Variants in PARD3 observed in about 807,000 individuals in gnomAD.
The protein encoded by PARD3 is par-3 family cell polarity regulator.
A neutral mutation model predicts 155.4 loss-of-function variants in PARD3; 75 were observed. The ratio of observed to expected loss-of-function variants is 0.48; its 90% CI spans 0.40 to 0.58. PARD3 has a LOEUF of 0.58. Among genes scored for constraint, PARD3 ranks in the 20% least tolerant of loss-of-function variants. The pLI is 0.00. For missense variants in PARD3, 1,642 were observed against 1,721.7 expected (o/e 0.95, Z 0.82); for synonymous variants, 576 against 610.5 (o/e 0.94, Z 0.83).
intron 20 of PARD3, among the ~76,000 whole-genome samples, chr10:34,311,542 A>G (rs2134089039): frequency 6.6e-6 from 1 of 152,348 alleles, no homozygotes; most frequent in Non-Finnish European, 1.5e-5. Context: ...ATCCACCTGC[A>G]CTAGCATTGG....
intron 5 of PARD3, among the ~76,000 whole-genome samples, chr10:34,441,202 C>T (rs536964984): frequency 1.3e-5 from 2 of 152,040 alleles, no homozygotes; most frequent in African/African-American, 2.4e-5. Flanking sequence ...TTTAAGAAAA[C>T]GAGATACCCA....
At chr10:34,400,266 T>C (rs1315170961) in intron 6 of PARD3, among the ~76,000 whole-genome samples, 1 of 152,194 alleles carries the variant, frequency 6.6e-6, no homozygotes, top group East Asian at 1.9e-4. Context: ...TATGAAGCTA[T>C]TTATATTATA....
intron 3 of PARD3, among the ~76,000 whole-genome samples, chr10:34,501,379 A>G (rs2133429073): frequency 6.6e-6 from 1 of 152,014 alleles, no homozygotes; most frequent in East Asian, 1.9e-4. Context: ...TTCAACTTTC[A>G]CCATGATTAT....
At chr10:34,282,626 T>C (rs1956211350) in intron 21 of PARD3, among the ~76,000 whole-genome samples, 1 of 152,142 alleles carries the variant, frequency 6.6e-6, no homozygotes, top group Non-Finnish European at 1.5e-5. Flanking sequence ...CTATCCCCTG[T>C]GGCAGGTATC....
intron 5 of PARD3, among the ~76,000 whole-genome samples, chr10:34,412,231 AG>A (rs781655333): frequency 1.3e-5 from 2 of 152,084 alleles, no homozygotes; most frequent in Non-Finnish European, 2.9e-5. Flanking sequence ...TCAAAGTGCT[AG>A]GAATACAGGC....
chr10:34,581,882 C>A (rs2087526725), intron 2 of PARD3, among the ~76,000 whole-genome samples: 1 of 152,220 alleles, frequency 6.6e-6, no homozygotes, highest in African/African-American at 2.4e-5. Context: ...CTAAAAACTA[C>A]TATTTAACAT....
intron 1 of PARD3, among the ~76,000 whole-genome samples, chr10:34,741,954 G>T (rs1338906134): frequency 2.0e-5 from 3 of 152,098 alleles, no homozygotes; most frequent in African/African-American, 7.2e-5. Context: ...ATAACAATAA[G>T]GTAAATTCAT....
chr10:34,352,318 C>A (rs931774737), intron 14 of PARD3, among the ~76,000 whole-genome samples: 1 of 152,174 alleles, frequency 6.6e-6, no homozygotes, highest in Non-Finnish European at 1.5e-5. Flanking sequence ...GCTTTCTCCA[C>A]TGTAAAGTTA....
intron 2 of PARD3, among the ~76,000 whole-genome samples, chr10:34,695,903 G>A (rs2094162230): frequency 6.6e-6 from 1 of 152,226 alleles, no homozygotes; most frequent in African/African-American, 2.4e-5. Flanking sequence ...CAAGGCCACG[G>A]TTGGGATGGA....
In PARD3 at chr10:34,317,194, C is replaced by T; in HGVS notation, c.2978G>A (p.Gly993Glu). The change falls in exon 20 of 25, where the codon GGA becomes GAA. Residue 993 changes from glycine to glutamate, a missense_variant. Gly to Glu is a moderately conservative substitution (Grantham distance 98). Transcript: ENST00000374788. ...DKTDRKKDKT[G>E]KEKKKDRDKE... The stretch of plus-strand genomic sequence containing the variant: ...ATCTCTATCTTTCTTCTTTTCTTTT[C>T]CAGTTTTATCCTTTTTTCTATCAGT... The T allele has an allele frequency of 1.2e-6, 2 of 1,612,674 alleles. No homozygotes were observed. Among genetic ancestry groups the T allele is most frequent in the Non-Finnish European group, 1.7e-6 (2 of 1,179,378 alleles).
chr10:34,570,651 G>A (rs1299946133), intron 2 of PARD3, among the ~76,000 whole-genome samples: 2 of 152,158 alleles, frequency 1.3e-5, no homozygotes, highest in Admixed American at 6.5e-5. Flanking sequence ...TTTTGTTCAT[G>A]TGGGTGAAAT....
chr10:34,730,534 T>C (rs7078681), intron 1 of PARD3, among the ~76,000 whole-genome samples: 2,997 of 152,300 alleles, frequency 0.02, 98 homozygotes, highest in African/African-American at 0.068. Context: ...CTGTAATCCC[T>C]ACACTTTGGG....
At chr10:34,117,779 C>T (rs564912259) in intron 24 of PARD3, among the ~76,000 whole-genome samples, 167 of 152,240 alleles carry the variant, frequency 1.1e-3, no homozygotes, top group Middle Eastern at 6.8e-3. Flanking sequence ...GGCGAGGTGG[C>T]GCACGCCTGT....
intron 22 of PARD3, among the ~76,000 whole-genome samples, chr10:34,227,920 C>G (rs1459144508): frequency 9.1e-6 from 1 of 109,964 alleles, no homozygotes; most frequent in African/African-American, 3.5e-5. Context: ...ATTTATATAC[C>G]CAAAGGAATA....
rs772269864 is a variant in PARD3, at chr10:34,605,560, CTATATA to C, written c.223-88407_223-88402del. 1.4e-4 allele frequency among the ~76,000 whole-genome samples: 2 copies of C among 14,568 alleles called. 1 individual carries two copies. The highest frequency in any genetic ancestry group is 2.1e-3 in the African/African-American group (2 of 954). 9.6% of individuals were successfully genotyped at this position (14,568 alleles called of 152,430 possible). On this transcript the variant is annotated intron_variant, in intron 2 of 24. Transcript: ENST00000374788. ...TCCTATATATATATATATATATCTC[CTATATA>C]TATATATATCTCCTATATATATCTC...
intron 22 of PARD3, among the ~76,000 whole-genome samples, chr10:34,235,029 C>T (rs1380363131): frequency 1.3e-5 from 2 of 152,118 alleles, no homozygotes; most frequent in Non-Finnish European, 2.9e-5. Flanking sequence ...TTTTCCTTAT[C>T]TATTTGCCAA....
At chr10:34,429,027 TAGTC>T (rs146984060) in intron 5 of PARD3, among the ~76,000 whole-genome samples, 215 of 152,340 alleles carry the variant, frequency 1.4e-3, no homozygotes, top group Non-Finnish European at 2.2e-3. Context: ...TTAGAAGTCA[TAGTC>T]AGAGTAGAAC....
At chr10:34,434,028 T>C (rs573500898) in intron 5 of PARD3, among the ~76,000 whole-genome samples, 55 of 152,324 alleles carry the variant, frequency 3.6e-4, no homozygotes, top group African/African-American at 1.0e-3. Flanking sequence ...AAGACACTAT[T>C]ATGTGTGCCT....
At chr10:34,261,781 A>AAAAAGAAAG (rs1554820301) in intron 22 of PARD3, among the ~76,000 whole-genome samples, 1 of 131,966 alleles carries the variant, frequency 7.6e-6, no homozygotes, top group Non-Finnish European at 1.6e-5. Context: ...AGAAAGAAAG[A>AAAAAGAAAG]AAAGAAAGAA....
Sources: gnomAD v4.1 joint callset for allele counts (sites outside exome capture counted in the v4.1 genomes callset) on GRCh38, gnomAD v4.1.1 for gene constraint, MANE v1.5 for transcripts, NCBI Gene and HGNC (gene_info 2026-07-23, HGNC 2026-07-21) for gene names.